Variants in ANGPT1 observed in about 807,000 individuals in gnomAD.
ANGPT1 encodes the protein angiopoietin 1, also known as angiopoietin-1.
In ANGPT1, 17 loss-of-function variants were observed where a neutral mutation model predicts 62.2. The ratio of observed to expected loss-of-function variants is 0.27; its 90% CI spans 0.19 to 0.41. ANGPT1 has a LOEUF of 0.41. Among genes scored for constraint, ANGPT1 ranks in the 10% least tolerant of loss-of-function variants. ANGPT1 has a pLI of 1.00. For synonymous variants in ANGPT1, 199 were observed against 198.9 expected, an observed-to-expected ratio of 1.00 and a Z score of 0.00; for missense variants, 478 against 594.9, an observed-to-expected ratio of 0.80 and a Z score of 2.04.
chr8:107,413,467 T>A (rs1810646425), intron 1 of ANGPT1, among the ~76,000 whole-genome samples: 1 of 152,026 alleles, frequency 6.6e-6, no homozygotes, highest in African/African-American at 2.4e-5. Context: ...GTGAGGTACT[T>A]GCCTCAGGCT....
intron 1 of ANGPT1, among the ~76,000 whole-genome samples, chr8:107,496,071 G>A (rs976780462): frequency 1.3e-5 from 2 of 152,136 alleles, no homozygotes; most frequent in Admixed American, 1.3e-4. Context: ...GACCACACAG[G>A]AACAAAATAG....
At chr8:107,252,165 C>A (rs1813261574) in intron 8 of ANGPT1, 150 bp from the exon 9 acceptor site, 2 of 785,438 alleles carry the variant, frequency 2.5e-6, no homozygotes, top group Non-Finnish European at 4.0e-6. Flanking sequence ...AAATATATTC[C>A]CAGTAGTGAA....
intron 1 of ANGPT1, among the ~76,000 whole-genome samples, chr8:107,492,557 G>C (rs751916146): frequency 6.6e-6 from 1 of 152,114 alleles, no homozygotes; most frequent in East Asian, 1.9e-4. Context: ...GGCTGGTCTC[G>C]AACTCTTCAC....
chr8:107,318,444 T>G (rs1815071435), intron 4 of ANGPT1, among the ~76,000 whole-genome samples: 1 of 152,138 alleles, frequency 6.6e-6, no homozygotes. Flanking sequence ...CAAACAAATG[T>G]TTGGGAAAAA....
chr8:107,497,267 G>A lies in ANGPT1; in HGVS notation c.292C>T (p.Gln98Ter). The change falls in exon 1 of 9, where the codon CAA becomes TAA. Residue 98 changes from glutamine (Q) to a stop codon, truncating the protein, a stop_gained. Coordinates refer to ENST00000517746, the MANE Select transcript of ANGPT1 (RefSeq NM_001146.5). LOFTEE classifies it high-confidence loss of function. ...HVMENYTQWL[Q>*]KLENYIVENM... Reference sequence around the variant, plus strand: ...AACTGAAAGCAATCACTTACTTTTTGCAGCCACTGAGTATAATTTTCCATC... The same window carrying A: ...AACTGAAAGCAATCACTTACTTTTTACAGCCACTGAGTATAATTTTCCATC... 1 of 1,611,108 alleles carries A rather than the reference G, an allele frequency of 6.2e-7. No homozygotes were observed. The highest frequency in any genetic ancestry group is 8.5e-7 in the Non-Finnish European group (1 of 1,178,812).
intron 1 of ANGPT1, among the ~76,000 whole-genome samples, chr8:107,419,548 G>T (rs1810843466): frequency 6.6e-6 from 1 of 151,986 alleles, no homozygotes; most frequent in African/African-American, 2.4e-5. Flanking sequence ...GTTTCTTTGG[G>T]TCTTCATTTC....
At chr8:107,256,748 T>G (rs1813365608) in intron 8 of ANGPT1, among the ~76,000 whole-genome samples, 1 of 152,160 alleles carries the variant, frequency 6.6e-6, no homozygotes, top group East Asian at 1.9e-4. Context: ...CTGAAAGAAC[T>G]CAATGATGCA....
In ANGPT1 at chr8:107,497,873, A is replaced by G. The variant is rs1813159472; in HGVS notation, c.-315T>C. On this transcript the variant is annotated 5_prime_UTR_variant, in exon 1 of 9. Coordinates refer to ENST00000517746, the MANE Select transcript of ANGPT1 (RefSeq NM_001146.5). ...GAGCCTGCCTGAGTCAGCTGCGTGTACATATTCTAGACCCTTTCCTCTACC... is the reference window on the plus strand; with the variant it reads ...GAGCCTGCCTGAGTCAGCTGCGTGTGCATATTCTAGACCCTTTCCTCTACC... 7.8e-6 allele frequency: 4 copies of G among 511,710 alleles called. No individual in the cohort carries two copies. The South Asian group carries it at 1.1e-4, about 14-fold the overall frequency. 31.7% of individuals were successfully genotyped at this position (511,710 alleles called of 1,614,324 possible).
At chr8:107,491,171 A>G (rs1812944233) in intron 1 of ANGPT1, among the ~76,000 whole-genome samples, 1 of 152,162 alleles carries the variant, frequency 6.6e-6, no homozygotes, top group Admixed American at 6.5e-5. Flanking sequence ...AGAAGAAGAA[A>G]TAAAAACTAG....
At chr8:107,314,843 T>C (rs1004868316) in intron 4 of ANGPT1, among the ~76,000 whole-genome samples, 2 of 152,210 alleles carry the variant, frequency 1.3e-5, no homozygotes, top group Non-Finnish European at 2.9e-5. Context: ...TATCAATGTT[T>C]ATATGACTGA....
intron 1 of ANGPT1, among the ~76,000 whole-genome samples, chr8:107,425,107 T>G (rs561700680): frequency 6.6e-6 from 1 of 152,264 alleles, no homozygotes; most frequent in Admixed American, 6.5e-5. Flanking sequence ...ACTACTGACC[T>G]TGTGATCCAC....
chr8:107,429,011 T>C (rs1177463225), intron 1 of ANGPT1, among the ~76,000 whole-genome samples: 1 of 152,168 alleles, frequency 6.6e-6, no homozygotes, highest in Non-Finnish European at 1.5e-5. Context: ...TTCTAAATCA[T>C]ATGCATCGGG....
At chr8:107,255,635 T>C (rs889757089) in intron 8 of ANGPT1, among the ~76,000 whole-genome samples, 1 of 152,230 alleles carries the variant, frequency 6.6e-6, no homozygotes. Context: ...CCTTAAGTGA[T>C]GTGGCAAGTA....
intron 1 of ANGPT1, among the ~76,000 whole-genome samples, chr8:107,382,220 A>T (rs1464173534): frequency 3.9e-5 from 6 of 152,234 alleles, no homozygotes; most frequent in African/African-American, 1.4e-4. Flanking sequence ...ATCTGGAGAA[A>T]TATGAGAAAA....
At chr8:107,423,703 C>A (rs1205866849) in intron 1 of ANGPT1, among the ~76,000 whole-genome samples, 1 of 151,928 alleles carries the variant, frequency 6.6e-6, no homozygotes, top group East Asian at 1.9e-4. Flanking sequence ...ACACAGTACT[C>A]GAAAAGGGTG....
chr8:107,317,990 C>T (rs182306247), intron 4 of ANGPT1, among the ~76,000 whole-genome samples: 5 of 152,136 alleles, frequency 3.3e-5, no homozygotes, highest in African/African-American at 4.8e-5. Context: ...GATTCCAAAC[C>T]TTGTTTGTAT....
intron 3 of ANGPT1, among the ~76,000 whole-genome samples, chr8:107,327,935 C>T (rs1177875364): frequency 1.3e-5 from 2 of 152,118 alleles, no homozygotes; most frequent in Non-Finnish European, 2.9e-5. Context: ...CCTTCTCCAA[C>T]ATCTTATTGG....
rs146826746 is a variant in ANGPT1, at chr8:107,258,152, G to A, written c.1336+6069C>T. On this transcript the variant is annotated intron_variant, in intron 8 of 8. Transcript: ENST00000517746. ...GAGGAAATGCTTGCAAAAAGATGCT[G>A]CAAACGGTACAATAGAGCTCTGTCA... Among the ~76,000 whole-genome samples, 729 of 151,914 alleles carry A rather than the reference G, an allele frequency of 4.8e-3. 2 individuals are homozygous for A. The highest frequency in any genetic ancestry group is 0.017 in the African/African-American group (691 of 41,412).
At chr8:107,254,008 C>T (rs1161207400) in intron 8 of ANGPT1, among the ~76,000 whole-genome samples, 1 of 151,942 alleles carries the variant, frequency 6.6e-6, no homozygotes, top group Non-Finnish European at 1.5e-5. Flanking sequence ...AAGCAAATCA[C>T]CCAGTGTTTT....
Sources: allele counts gnomAD v4.1 joint callset (sites outside exome capture counted in the v4.1 genomes callset), GRCh38; gene constraint gnomAD v4.1.1; transcripts MANE v1.5; gene names NCBI Gene and HGNC (gene_info 2026-07-23, HGNC 2026-07-21).